Variants in SUCLG2 observed in about 807,000 individuals in gnomAD.
The protein encoded by SUCLG2 is succinate-CoA ligase GDP-forming subunit beta, also known as succinate--CoA ligase [GDP-forming] subunit beta, mitochondrial.
SUCLG2 carries 42 observed loss-of-function variants against 47.9 expected under a neutral mutation model. The ratio of observed to expected loss-of-function variants is 0.88; its 90% confidence interval spans 0.69 to 1.14. The LOEUF (loss-of-function observed/expected upper bound fraction) is 1.14. SUCLG2 is among the 50% of genes most tolerant of loss of function. The pLI, the probability that SUCLG2 is intolerant of heterozygous loss-of-function variation, is 0.00. For synonymous variants in SUCLG2, 195 were observed against 197.3 expected, an observed-to-expected ratio of 0.99 and a Z score of 0.10; for missense variants, 571 against 525.9, an observed-to-expected ratio of 1.09 and a Z score of -0.84.
intron 1 of SUCLG2, among the ~76,000 whole-genome samples, chr3:67,612,416 A>C (rs1700545386): frequency 8.4e-6 from 1 of 118,878 alleles, no homozygotes; most frequent in African/African-American, 3.8e-5. Flanking sequence ...TTACTTCTGC[A>C]TTCTCAGTTG....
intron 1 of SUCLG2, among the ~76,000 whole-genome samples, chr3:67,636,519 AT>A (rs1701013223): frequency 6.6e-6 from 1 of 151,694 alleles, no homozygotes; most frequent in Non-Finnish European, 1.5e-5. Flanking sequence ...CACCCGGCTA[AT>A]TTTTTGTGTT....
At chr3:67,470,850 G>A (rs1704587030) in intron 9 of SUCLG2, among the ~76,000 whole-genome samples, 1 of 152,190 alleles carries the variant, frequency 6.6e-6, no homozygotes, top group African/African-American at 2.4e-5. Flanking sequence ...CACTTAGATA[G>A]AAAGATACCC....
chr3:67,566,923 G>T (rs952523917), intron 2 of SUCLG2, among the ~76,000 whole-genome samples: 1 of 152,100 alleles, frequency 6.6e-6, no homozygotes, highest in Non-Finnish European at 1.5e-5. Context: ...GGTGGCACAC[G>T]CCTGTAATCC....
At chr3:67,496,715 G>A (rs1705351326) in intron 8 of SUCLG2, among the ~76,000 whole-genome samples, 1 of 151,730 alleles carries the variant, frequency 6.6e-6, no homozygotes, top group East Asian at 1.9e-4. Context: ...CAAAAGTCTT[G>A]TTTTCCAGAG....
rs190852396 is a variant in SUCLG2 at position 67,616,652 on chromosome 3, G to A, written c.85-7056C>T. On this transcript the variant is annotated intron_variant, in intron 1 of 10. Transcript: ENST00000307227. ...ATTGAGAAAAAGAAATAAAAGCCAG[G>A]CTTTAACACAATGGTGTAGCCTTAA... 2.3e-3 allele frequency among the ~76,000 whole-genome samples: 354 copies of A among 152,152 alleles called. 4 individuals are homozygous for A. The highest frequency in any genetic ancestry group is 7.9e-3 in the African/African-American group (329 of 41,518).
intron 7 of SUCLG2, among the ~76,000 whole-genome samples, chr3:67,501,413 T>C (rs1221268228): frequency 6.6e-6 from 1 of 152,202 alleles, no homozygotes; most frequent in Non-Finnish European, 1.5e-5. Flanking sequence ...TATATTATTT[T>C]GGTCTTCATC....
chr3:67,500,242 C>T (rs1255542695), intron 7 of SUCLG2, among the ~76,000 whole-genome samples: 1 of 151,154 alleles, frequency 6.6e-6, no homozygotes, highest in African/African-American at 2.4e-5. Flanking sequence ...CTGTATATGG[C>T]ATCTTGGCGT....
intron 5 of SUCLG2, among the ~76,000 whole-genome samples, chr3:67,519,536 A>T (rs1706039268): frequency 1.3e-5 from 2 of 152,186 alleles, no homozygotes; most frequent in South Asian, 4.1e-4. Flanking sequence ...TTCCTTATAC[A>T]TCGTTTCCAT....
At chr3:67,584,111 G>C (rs554676852) in intron 2 of SUCLG2, among the ~76,000 whole-genome samples, 1 of 152,310 alleles carries the variant, frequency 6.6e-6, no homozygotes, top group South Asian at 2.1e-4. Flanking sequence ...AGTGTTCATA[G>C]CAGCATTAAT....
chr3:67,607,776 G>C (rs1417297560), intron 2 of SUCLG2, among the ~76,000 whole-genome samples: 3 of 152,182 alleles, frequency 2.0e-5, no homozygotes, highest in Non-Finnish European at 4.4e-5. Flanking sequence ...CTGTTCTAAT[G>C]GTAGTGAGTA....
chr3:67,546,495 G>A lies in SUCLG2; in HGVS notation c.227-17309C>T, dbSNP rs960873757. On this transcript the variant is annotated intron_variant, in intron 2 of 10. Coordinates refer to ENST00000307227, the MANE Select transcript of SUCLG2 (RefSeq NM_003848.4). ...CACACCTGTAATCCCAGCACTTTGG[G>A]AGGCCAAGGCAGGTGGATCACTTGA... is the stretch of plus-strand genomic sequence containing the variant. Among the ~76,000 whole-genome samples, 3 of 152,158 alleles carry A rather than the reference G, an allele frequency of 2.0e-5. No homozygotes were observed. The South Asian group carries it at 6.2e-4, about 32-fold the overall frequency.
At chr3:67,542,426 C>T (rs912103815) in intron 2 of SUCLG2, among the ~76,000 whole-genome samples, 4 of 152,104 alleles carry the variant, frequency 2.6e-5, no homozygotes, top group East Asian at 3.9e-4. Context: ...CATCAACTAA[C>T]GGGCAAAATA....
intron 10 of SUCLG2, among the ~76,000 whole-genome samples, chr3:67,393,960 T>C (rs905154000): frequency 8.6e-5 from 13 of 151,922 alleles, no homozygotes; most frequent in African/African-American, 3.1e-4. Context: ...CAGCTGAGGG[T>C]CCTGTCTGTT....
intron 2 of SUCLG2, among the ~76,000 whole-genome samples, chr3:67,585,391 C>A (rs1169153197): frequency 1.3e-5 from 2 of 152,212 alleles, no homozygotes; most frequent in African/African-American, 4.8e-5. Flanking sequence ...AGCGGACACT[C>A]AGTGCTCCTC....
rs114858403 is a variant in SUCLG2, at chr3:67,484,310, G to T, written c.1062+11488C>A. 7.3e-3 allele frequency among the ~76,000 whole-genome samples: 1,114 copies of T among 152,188 alleles called. 8 individuals are homozygous for T. The highest frequency in any genetic ancestry group is 0.012 in the Non-Finnish European group (810 of 68,006). On this transcript the variant is annotated intron_variant, in intron 9 of 10. Coordinates refer to ENST00000307227, the MANE Select transcript of SUCLG2 (RefSeq NM_003848.4). ...ACAGTCTTGCCAGACACATGGCATT[G>T]GCATCTAGCCTGGAAACTGAATCGT...
At chr3:67,511,303 A>G (rs1032910274) in intron 6 of SUCLG2, among the ~76,000 whole-genome samples, 2 of 152,188 alleles carry the variant, frequency 1.3e-5, no homozygotes, top group Non-Finnish European at 2.9e-5. Flanking sequence ...TCAGTGTGTT[A>G]GGTGAAAAAG....
intron 2 of SUCLG2, among the ~76,000 whole-genome samples, chr3:67,542,107 C>A (rs1259192291): frequency 6.6e-6 from 1 of 152,100 alleles, no homozygotes; most frequent in Admixed American, 6.5e-5. Flanking sequence ...CTCCCAACCT[C>A]AGGTGATCCA....
At chr3:67,528,951 A>G (rs1352217231) in intron 3 of SUCLG2, 136 bp downstream of exon 3, 1 of 628,460 alleles carries the variant, frequency 1.6e-6, no homozygotes, top group Admixed American at 3.1e-5. Flanking sequence ...CCCTCTACCT[A>G]TGATTTCAGT....
Position 67,487,244 on chromosome 3 carries a change from G to A in SUCLG2, c.1062+8554C>T, listed in dbSNP as rs143736208. Among the ~76,000 whole-genome samples the A allele has an allele frequency of 7.2e-5, 11 of 152,178 alleles. No individual in the cohort carries two copies. In the East Asian group the frequency reaches 1.9e-3, roughly 27 times the overall value. The stretch of plus-strand genomic sequence containing the variant: ...ACTTGAAATTGTACCATGGTATGTT[G>A]ATTCATGAAATCACAAATTTTAAAA... On this transcript the variant is annotated intron_variant, in intron 9 of 10. Coordinates refer to ENST00000307227, the MANE Select transcript of SUCLG2 (RefSeq NM_003848.4).
Sources: gnomAD v4.1 joint callset for allele counts (sites outside exome capture counted in the v4.1 genomes callset) on GRCh38, gnomAD v4.1.1 for gene constraint, MANE v1.5 for transcripts, NCBI Gene and HGNC (gene_info 2026-07-23, HGNC 2026-07-21) for gene names.